SLC44A4: variants seen among roughly 807,000 people sequenced by gnomAD.
The protein encoded by SLC44A4 is choline transporter-like protein 4.
Under a neutral mutation model 97.0 loss-of-function variants are expected in SLC44A4, and 74 were observed. The ratio of observed to expected loss-of-function variants is 0.76; its 90% CI spans 0.63 to 0.93. The LOEUF is 0.93. SLC44A4 is among the 40% of genes least tolerant of loss of function. SLC44A4 has a pLI of 0.00. For missense variants in SLC44A4, 799 were observed against 902.9 expected (o/e 0.88, Z 1.48); for synonymous variants, 325 against 363.8 (o/e 0.89, Z 1.21).
intron 7 of SLC44A4, among the ~76,000 whole-genome samples, chr6:31,872,929 G>A (rs1258332445): frequency 2.0e-5 from 3 of 151,928 alleles, no homozygotes; most frequent in Non-Finnish European, 4.4e-5. Flanking sequence ...CCAGGCTGGA[G>A]TGCAGTGGCA....
chr6:31,865,163 G>T lies in SLC44A4; in HGVS notation c.1761-83C>A. On this transcript the variant is annotated intron_variant, in intron 17 of 20. Coordinates refer to ENST00000229729, the MANE Select transcript of SLC44A4 (RefSeq NM_025257.3). The surrounding 1 kb of genome is among the most constrained non-coding windows in gnomAD (Gnocchi z 5.2). ...ATTGGCTTCGTAATTTGTGGGGACT[G>T]GTGCAAAATGAAAATTGTTCACGTT... is the stretch of plus-strand genomic sequence containing the variant. The T allele has an allele frequency of 6.4e-7, 1 of 1,553,914 alleles. No homozygotes were observed. The highest frequency in any genetic ancestry group is 2.2e-5 in the East Asian group (1 of 44,556).
intron 11 of SLC44A4, 152 bp downstream of exon 11, chr6:31,870,451 G>T: frequency 1.6e-6 from 1 of 633,474 alleles, no homozygotes. Context: ...TTACAGATGG[G>T]GAAGCAAAGC....
In SLC44A4 at chr6:31,866,026, TAGATTTGC is replaced by T; in HGVS notation, c.1326_1333del (p.Gln443TrpfsTer10). The T allele has an allele frequency of 1.2e-6, 2 of 1,614,198 alleles. No individual in the cohort carries two copies. Among genetic ancestry groups the T allele is most frequent in the East Asian group, 4.5e-5 (2 of 44,888 alleles). ...GGTCCAGAAGAGCCCCAGGACCCCA[TAGATTTGC>T]AGATTGAAGACAGAACGTTGGATTA... On this transcript the variant is annotated frameshift_variant, in exon 14 of 21. Transcript: ENST00000229729. LOFTEE classifies it high-confidence loss of function.
chr6:31,875,820 T>A, intron 4 of SLC44A4, 32 bp downstream of exon 4: 1 of 1,577,602 alleles, frequency 6.3e-7, no homozygotes. Context: ...CTCGCCTCGC[T>A]CCTGCACTCC....
intron 11 of SLC44A4, among the ~76,000 whole-genome samples, chr6:31,870,324 G>A (rs751848681): frequency 3.9e-5 from 6 of 152,012 alleles, no homozygotes; most frequent in Non-Finnish European, 7.4e-5. Flanking sequence ...GATTCCTGCC[G>A]TTCCACTCAG....
chr6:31,869,050 T>G lies in SLC44A4; in HGVS notation c.1233+105A>C, dbSNP rs521977. ...GTTGAGTGTGTGACCTTGCACAAGTTTCTTGCCCTCTGTGGCCTCAGTCTT... is the reference window on the plus strand; with the variant it reads ...GTTGAGTGTGTGACCTTGCACAAGTGTCTTGCCCTCTGTGGCCTCAGTCTT... On this transcript the variant is annotated intron_variant, in intron 13 of 20. Transcript: ENST00000229729. 0.75 allele frequency: 675,101 copies of G among 898,122 alleles called. 258,574 individuals carry two copies. The highest frequency in any genetic ancestry group is 0.91 in the Middle Eastern group (4,039 of 4,426). The allele number at this position is 898,122 out of a possible 1,614,324, so 55.6% of individuals were successfully genotyped here. A position where few individuals can be genotyped will look rare whatever the true frequency, so the allele number is the denominator to read the frequency against.
rs758323918 is a variant in SLC44A4, at chr6:31,865,737, A to G, written c.1535T>C (p.Val512Ala). The change falls in exon 15 of 21, where the codon GTG (valine) becomes GCG (alanine). Residue 512 changes from valine (V) to alanine (A), a missense_variant. Transcript: ENST00000229729. The surrounding 1 kb of genome is among the most constrained non-coding windows in gnomAD (Gnocchi z 5.2). ...LAFGALILTL[V>A]QIARVILEYI... is the part of the protein sequence containing the mutation. ...CTCCAAGATGACCCGGGCTATCTGC[A>G]CAAGGGTCAGGATGAGGGCTCCAAA... The G allele has an allele frequency of 1.9e-6, 3 of 1,613,572 alleles. No individual in the cohort carries two copies. Among genetic ancestry groups the G allele is most frequent in the Non-Finnish European group, 2.5e-6 (3 of 1,179,956 alleles).
At chr6:31,866,223 G>T in intron 13 of SLC44A4, 97 bp from the exon 14 acceptor site, 2 of 1,463,164 alleles carry the variant, frequency 1.4e-6, no homozygotes, top group Non-Finnish European at 1.8e-6. Flanking sequence ...CCCTCCCAGA[G>T]TTGACAGGTG....
At position 31,877,044 on chromosome 6, in the gene SLC44A4, TGGGGCCTCGAAAGGA is replaced by T. The variant is rs1242958364; in HGVS notation, c.64_78del (p.Ser22_Pro26del). Reference sequence around the variant, plus strand: ...GTGCCCAGAGCTCACCTGTTCTTGATGGGGCCTCGAAAGGAGGGGTCGTATTTGACTGGCTTCCCT... The same window carrying T: ...GTGCCCAGAGCTCACCTGTTCTTGATGGGGTCGTATTTGACTGGCTTCCCT... On this transcript the variant is annotated inframe_deletion, in exon 2 of 21. Coordinates refer to ENST00000229729, the MANE Select transcript of SLC44A4 (RefSeq NM_025257.3). This position sits in a 1 kb window ranked among gnomAD's most constrained non-coding sequence, Gnocchi z 6.5. 2.1e-5 allele frequency: 34 copies of T among 1,609,590 alleles called. No individual in the cohort carries two copies. Among genetic ancestry groups the T allele is most frequent in the Non-Finnish European group, 2.7e-5 (32 of 1,178,978 alleles).
rs1762683793 is a variant in SLC44A4, at chr6:31,863,739, A to G, written c.2021T>C (p.Leu674Pro). ...DTLFLCFLED[L>P]ERNNGSLDRP... is the part of the protein sequence containing the mutation. ...GTCCAGGGAGCCGTTGTTCCGCTCCAGGTCTTCCACTGAGCCGCAACAGAG... is the reference window on the plus strand; with the variant it reads ...GTCCAGGGAGCCGTTGTTCCGCTCCGGGTCTTCCACTGAGCCGCAACAGAG... Residue 674 changes from leucine to proline, a missense_variant, in exon 21 of 21, where the codon CTG becomes CCG. Physicochemically the swap from Leu to Pro is moderately conservative, Grantham distance 98. Coordinates refer to ENST00000229729, the MANE Select transcript of SLC44A4 (RefSeq NM_025257.3). 6.2e-7 allele frequency: 1 copy of G among 1,612,720 alleles called. No individual in the cohort carries two copies. The highest frequency in any genetic ancestry group is 8.5e-7 in the Non-Finnish European group (1 of 1,179,942).
Position 31,875,832 on chromosome 6 carries a change from C to T in SLC44A4, c.242+20G>A. On this transcript the variant is annotated intron_variant, in intron 4 of 20. Transcript: ENST00000229729. ...TACCTCGCCTCGCTCCTGCACTCCT[C>T]TTCTCGCCTTTGTACTCACTTGTTC... 1 of 1,592,252 alleles carries T rather than the reference C, an allele frequency of 6.3e-7. No individual in the cohort carries two copies. The highest frequency in any genetic ancestry group is 8.6e-7 in the Non-Finnish European group (1 of 1,166,536).
In SLC44A4 at chr6:31,863,258, G is replaced by A. The variant is rs890495281; in HGVS notation, c.*369C>T. ...TTGTTTGTTTTGTTTTGGAGACAGA[G>A]TCTGTCACCCAGGTTGGAGTGCAGT... On this transcript the variant is annotated 3_prime_UTR_variant, in exon 21 of 21. Transcript: ENST00000229729. 1.3e-5 allele frequency: 3 copies of A among 237,848 alleles called. No homozygotes were observed. The East Asian group carries it at 3.0e-4, about 24-fold the overall frequency. The allele number at this position is 237,848 out of a possible 1,614,324, so 14.7% of individuals were successfully genotyped here.
intron 12 of SLC44A4, 123 bp downstream of exon 12, chr6:31,869,422 G>T: frequency 1.0e-6 from 1 of 974,144 alleles, no homozygotes; most frequent in Non-Finnish European, 1.6e-6. Context: ...GTGCTGGTGT[G>T]TCTGCCCAGA....
chr6:31,870,707 A>T lies in SLC44A4; in HGVS notation c.938-5T>A. 6.2e-7 allele frequency: 1 copy of T among 1,611,806 alleles called. No homozygotes were observed. Among genetic ancestry groups the T allele is most frequent in the Non-Finnish European group, 8.5e-7 (1 of 1,179,370 alleles). Reference sequence around the variant, plus strand: ...CAAGCACCGCCAACACGATCACTGCAGAGGACGGGGCAGACAGACCTAGGT... The same window carrying T: ...CAAGCACCGCCAACACGATCACTGCTGAGGACGGGGCAGACAGACCTAGGT... On this transcript the variant is annotated splice_polypyrimidine_tract_variant and splice_region_variant and intron_variant, in intron 10 of 20. Coordinates refer to ENST00000229729, the MANE Select transcript of SLC44A4 (RefSeq NM_025257.3).
intron 7 of SLC44A4, among the ~76,000 whole-genome samples, chr6:31,873,291 T>C (rs1193264535): frequency 6.6e-6 from 1 of 152,202 alleles, no homozygotes; most frequent in Non-Finnish European, 1.5e-5. Context: ...CAAGCAATTC[T>C]CCTGCCTCAG....
In SLC44A4 at chr6:31,874,130, T is replaced by C. The variant is rs1763317442; in HGVS notation, c.529+330A>G. On this transcript the variant is annotated intron_variant, in intron 7 of 20. Coordinates refer to ENST00000229729, the MANE Select transcript of SLC44A4 (RefSeq NM_025257.3). This position sits in a 1 kb window ranked among gnomAD's most constrained non-coding sequence, Gnocchi z 4.8. Reference sequence around the variant, plus strand: ...ACTCCGTCAAAAAAAAAAAAATGTGTGTGTAGATTCACCCATGTATGTTTT... The same window carrying C: ...ACTCCGTCAAAAAAAAAAAAATGTGCGTGTAGATTCACCCATGTATGTTTT... Among the ~76,000 whole-genome samples, 1 of 151,268 alleles carries C rather than the reference T, an allele frequency of 6.6e-6. No homozygotes were observed. The highest frequency in any genetic ancestry group is 2.1e-4 in the South Asian group (1 of 4,796).
At chr6:31,872,604 C>A (rs1458328684) in intron 7 of SLC44A4, among the ~76,000 whole-genome samples, 1 of 152,076 alleles carries the variant, frequency 6.6e-6, no homozygotes, top group Non-Finnish European at 1.5e-5. Context: ...ACAATCATAG[C>A]TCACTGTAAC....
At position 31,869,159 on chromosome 6, in the gene SLC44A4, G is replaced by T. The variant is rs763492824; in HGVS notation, c.1229C>A (p.Pro410His). 2.5e-6 allele frequency: 4 copies of T among 1,605,766 alleles called. No individual in the cohort carries two copies. Reference sequence around the variant, plus strand: ...ATGTCCCCTGCTTCCTCTTACCGTGGGGTTGCATGATGTATTTATTGGCAC... The same window carrying T: ...ATGTCCCCTGCTTCCTCTTACCGTGTGGTTGCATGATGTATTTATTGGCAC... ...EKVPINTSCNPTAHLVNSSCP... is the reference protein window; with the variant it reads ...EKVPINTSCNHTAHLVNSSCP... The change falls in exon 13 of 21, where the codon CCC becomes CAC. Residue 410 changes from proline (P) to histidine (H), a missense_variant. Transcript: ENST00000229729.
Position 31,869,161 on chromosome 6 carries a change from G to A in SLC44A4, c.1227C>T (p.Asn409=), listed in dbSNP as rs2151559745. The A allele has an allele frequency of 6.2e-7, 1 of 1,606,814 alleles. No individual in the cohort carries two copies. The highest frequency in any genetic ancestry group is 2.2e-5 in the East Asian group (1 of 44,804). The change falls in exon 13 of 21, where the codon AAC becomes AAT. Residue 409 remains asparagine, a synonymous_variant. Coordinates refer to ENST00000229729, the MANE Select transcript of SLC44A4 (RefSeq NM_025257.3). ...CEKVPINTSC[N]PTAHLVNSSC... is the part of the protein sequence containing the mutation. ...GTCCCCTGCTTCCTCTTACCGTGGG[G>A]TTGCATGATGTATTTATTGGCACTT...
Sources: allele counts gnomAD v4.1 joint callset (sites outside exome capture counted in the v4.1 genomes callset), GRCh38; gene constraint gnomAD v4.1.1; non-coding constraint Gnocchi (gnomAD v3.1); transcripts MANE v1.5; gene names NCBI Gene and HGNC (gene_info 2026-07-23, HGNC 2026-07-21).